Variants in SUPT5H observed in about 807,000 individuals in gnomAD.
SUPT5H encodes transcription elongation factor SPT5.
A neutral mutation model predicts 142.5 loss-of-function variants in SUPT5H; 24 were observed. The observed-to-expected ratio is 0.17, with a 90% CI of 0.12 to 0.24. The LOEUF is 0.24. Among genes scored for constraint, SUPT5H ranks in the 10% least tolerant of loss-of-function variants. The pLI is 1.00. For synonymous variants in SUPT5H, 546 were observed against 553.0 expected, an observed-to-expected ratio of 0.99 and a Z score of 0.18; for missense variants, 893 against 1,471.8, an observed-to-expected ratio of 0.61 and a Z score of 6.43.
Position 39,466,661 on chromosome 19 carries a change from C to G in SUPT5H, c.967-14C>G, listed in dbSNP as rs765573733. 50 of 1,614,052 alleles carry G rather than the reference C, an allele frequency of 3.1e-5. No homozygotes were observed. Among genetic ancestry groups the G allele is most frequent in the Non-Finnish European group, 4.2e-5 (49 of 1,180,006 alleles). ...CTCCCTCACCCTTCCCACCCATGCC[C>G]CTTTCCTCCATAGAAAGACTGGTTT... On this transcript the variant is annotated splice_polypyrimidine_tract_variant and intron_variant, in intron 12 of 29. Coordinates refer to ENST00000432763, the MANE Select transcript of SUPT5H (RefSeq NM_001111020.3). This position sits in a 1 kb window ranked among gnomAD's most constrained non-coding sequence, Gnocchi z 4.3.
intron 3 of SUPT5H, among the ~76,000 whole-genome samples, chr19:39,455,147 G>T (rs1304188510): frequency 1.8e-4 from 28 of 152,208 alleles, no homozygotes; most frequent in Admixed American, 1.8e-3. Flanking sequence ...GTTTATTGAT[G>T]ATTAGGGCCT....
chr19:39,451,357 T>G (rs1390833765), intron 2 of SUPT5H, among the ~76,000 whole-genome samples: 1 of 151,508 alleles, frequency 6.6e-6, no homozygotes, highest in African/African-American at 2.4e-5. Flanking sequence ...TGGCTAGGTT[T>G]TTTTTTTTTT....
chr19:39,473,759 G>A lies in SUPT5H; in HGVS notation c.2493-204G>A, dbSNP rs2079359667. ...CCTTGGGCCTGGAGAAAGACTGCCT[G>A]GGTGGAGTGACCTTGGGAGGGCACC... On this transcript the variant is annotated intron_variant, in intron 25 of 29. Transcript: ENST00000432763. The surrounding 1 kb of genome is among the most constrained non-coding windows in gnomAD (Gnocchi z 5.8). Among the ~76,000 whole-genome samples the A allele has an allele frequency of 6.6e-6, 1 of 152,152 alleles. No homozygotes were observed. The highest frequency in any genetic ancestry group is 1.5e-5 in the Non-Finnish European group (1 of 68,014).
At position 39,464,753 on chromosome 19, in the gene SUPT5H, C is replaced by T. The variant is rs763093244; in HGVS notation, c.625-45C>T. The stretch of plus-strand genomic sequence containing the variant: ...GAGTGGCAGTCATTTCTGTTATTAG[C>T]CGTTGTGTCTCACTGTTTCCTCCTT... On this transcript the variant is annotated intron_variant, in intron 10 of 29. Transcript: ENST00000432763. The T allele has an allele frequency of 5.8e-5, 90 of 1,549,192 alleles. No individual in the cohort carries two copies. In the South Asian group the frequency reaches 8.1e-4, roughly 14 times the overall value.
At chr19:39,448,009 G>C (rs1361603724) in intron 2 of SUPT5H, among the ~76,000 whole-genome samples, 4 of 152,186 alleles carry the variant, frequency 2.6e-5, no homozygotes, top group South Asian at 2.1e-4. Context: ...GAAATGGAAG[G>C]AGCTGGCACC....
rs1221920365 is a variant in SUPT5H, at chr19:39,470,686, TG to T, written c.1677+164del. The stretch of plus-strand genomic sequence containing the variant: ...TGATAGTGGGCACATGGCAAGTCAT[TG>T]ATCCCTCCCCTTGCCTGTTTTCACA... On this transcript the variant is annotated intron_variant, in intron 18 of 29. Transcript: ENST00000432763. This position sits in a 1 kb window ranked among gnomAD's most constrained non-coding sequence, Gnocchi z 5.8. 1.3e-5 allele frequency among the ~76,000 whole-genome samples: 2 copies of T among 152,138 alleles called. No homozygotes were observed. Among genetic ancestry groups the T allele is most frequent in the Non-Finnish European group, 2.9e-5 (2 of 68,010 alleles).
chr19:39,459,409 C>T, intron 8 of SUPT5H, 150 bp from the exon 9 acceptor site: 1 of 1,317,750 alleles, frequency 7.6e-7, no homozygotes, highest in Non-Finnish European at 1.1e-6. Flanking sequence ...TTTCTCTTTC[C>T]TCTTGCTCCT....
In SUPT5H at chr19:39,471,498, C is replaced by G. The variant is rs769263109; in HGVS notation, c.1819C>G (p.His607Asp). The G allele has an allele frequency of 6.2e-7, 1 of 1,614,240 alleles. No homozygotes were observed. Among genetic ancestry groups the G allele is most frequent in the South Asian group, 1.1e-5 (1 of 91,080 alleles). Residue 607 changes from histidine to aspartate, a missense_variant, in exon 19 of 30, where the codon CAC becomes GAC. Physicochemically the swap from His to Asp is moderately conservative, Grantham distance 81 (BLOSUM62 -1). This residue lies in a region of SUPT5H where 428 missense variants were observed against 763.5 expected (regional missense o/e 0.56). Transcript: ENST00000432763. The part of the protein sequence containing the change: ...KDIVKVIDGP[H>D]SGREGEIRHL... ...CATCGTTAAGGTCATTGATGGCCCC[C>G]ACTCAGTGAGTACAAGTTCCTGCTT...
At position 39,468,847 on chromosome 19, in the gene SUPT5H, G is replaced by A. The variant is rs996288453; in HGVS notation, c.1129G>A (p.Ala377Thr). 6.2e-7 allele frequency: 1 copy of A among 1,613,982 alleles called. No homozygotes were observed. Among genetic ancestry groups the A allele is most frequent in the African/African-American group, 1.3e-5 (1 of 74,882 alleles). The change falls in exon 14 of 30, where the codon GCC (alanine) becomes ACC (threonine). Residue 377 changes from alanine (A) to threonine (T), a missense_variant. Coordinates refer to ENST00000432763, the MANE Select transcript of SUPT5H (RefSeq NM_001111020.3). ...GAAGGGCTTTCTGTTCAAGAGCTTC[G>A]CCATGTCTGCTGTGGTGAGGGTCCC... ...SRKGFLFKSF[A>T]MSAVITEGVK...
At position 39,455,925 on chromosome 19, in the gene SUPT5H, CTTTTTT is replaced by C. The variant is rs34762912; in HGVS notation, c.242-1732_242-1727del. Among the ~76,000 whole-genome samples, 14 of 91,154 alleles carry C rather than the reference CTTTTTT, an allele frequency of 1.5e-4. No homozygotes were observed. In the South Asian group the frequency reaches 5.2e-3, roughly 34 times the overall value. The allele number at this position is 91,154 out of a possible 152,430, so 59.8% of individuals were successfully genotyped here. A position where few individuals can be genotyped will look rare whatever the true frequency, so the allele number is the denominator to read the frequency against. On this transcript the variant is annotated intron_variant, in intron 3 of 29. Coordinates refer to ENST00000432763, the MANE Select transcript of SUPT5H (RefSeq NM_001111020.3). ...CGTGAACCACTGCGCCCCGCCTCTT[CTTTTTT>C]TTTTTTTTTTTTTTTTTAAGACGGA...
chr19:39,457,821 C>A, intron 4 of SUPT5H, 81 bp downstream of exon 4: 1 of 1,598,000 alleles, frequency 6.3e-7, no homozygotes, highest in East Asian at 2.2e-5. Flanking sequence ...CCCCGACCCC[C>A]GCATCCCCTG....
chr19:39,466,373 C>T lies in SUPT5H; in HGVS notation c.877-107C>T. 3 of 1,054,772 alleles carry T rather than the reference C, an allele frequency of 2.8e-6. No homozygotes were observed. Among genetic ancestry groups the T allele is most frequent in the Admixed American group, 1.9e-5 (1 of 52,312 alleles). 65.3% of individuals were successfully genotyped at this position (1,054,772 alleles called of 1,614,324 possible). ...GAGTGGTCAGCAGCCTGGTTTCTTCCCCACCATCCTGCGTCCCTTCTCCTT... is the reference window on the plus strand; with the variant it reads ...GAGTGGTCAGCAGCCTGGTTTCTTCTCCACCATCCTGCGTCCCTTCTCCTT... On this transcript the variant is annotated intron_variant, in intron 11 of 29. Coordinates refer to ENST00000432763, the MANE Select transcript of SUPT5H (RefSeq NM_001111020.3). The surrounding 1 kb of genome is among the most constrained non-coding windows in gnomAD (Gnocchi z 4.3).
rs1332627261 is a variant in SUPT5H at position 39,474,671 on chromosome 19, C to G, written c.2977C>G (p.Leu993Val). The change falls in exon 28 of 30, where the codon CTG becomes GTG. Residue 993 changes from leucine (L) to valine (V), a missense_variant. By Grantham distance (32) the Leu-to-Val change is conservative. Coordinates refer to ENST00000432763, the MANE Select transcript of SUPT5H (RefSeq NM_001111020.3). This position sits in a 1 kb window ranked among gnomAD's most constrained non-coding sequence, Gnocchi z 6.5. Reference sequence around the variant, plus strand: ...TCAGGTGAAGGTGCGGGACACCTACCTGGATACACAGGTGGTGGGACAGAC... The same window carrying G: ...TCAGGTGAAGGTGCGGGACACCTACGTGGATACACAGGTGGTGGGACAGAC... ...DIQVKVRDTY[L>V]DTQVVGQTGV... 2 of 1,613,936 alleles carry G rather than the reference C, an allele frequency of 1.2e-6. No individual in the cohort carries two copies. The highest frequency in any genetic ancestry group is 1.7e-6 in the Non-Finnish European group (2 of 1,179,990).
rs200215320 is a variant in SUPT5H, at chr19:39,473,536, C to T, written c.2492+15C>T. On this transcript the variant is annotated intron_variant, in intron 25 of 29. Coordinates refer to ENST00000432763, the MANE Select transcript of SUPT5H (RefSeq NM_001111020.3). The surrounding 1 kb of genome is among the most constrained non-coding windows in gnomAD (Gnocchi z 5.8). ...ACGCCGTCACGGTGAGTCCAGGGTT[C>T]CCCAGGTTCTGGTGTGTGCTGGTGT... 215 of 1,604,782 alleles carry T rather than the reference C, an allele frequency of 1.3e-4. 1 individual carries two copies. In the African/African-American group the frequency reaches 2.6e-3, roughly 20 times the overall value.
Position 39,474,529 on chromosome 19 carries a change from G to A in SUPT5H, c.2835G>A (p.Pro945=), listed in dbSNP as rs754543629. The stretch of plus-strand genomic sequence containing the variant: ...TTCCCCTGCAGGCTAGCCCCAGCCC[G>A]AGCCCCGTTGGCTACAGTCCTATGA... ...SPMAYQASPS[P]SPVGYSPMTP... Residue 945 remains proline (P), a synonymous_variant, in exon 28 of 30, where the codon CCG becomes CCA. Transcript: ENST00000432763. This position sits in a 1 kb window ranked among gnomAD's most constrained non-coding sequence, Gnocchi z 6.5. The A allele has an allele frequency of 3.1e-6, 5 of 1,614,130 alleles. No individual in the cohort carries two copies. The highest frequency in any genetic ancestry group is 2.2e-5 in the East Asian group (1 of 44,880).
intron 3 of SUPT5H, among the ~76,000 whole-genome samples, chr19:39,453,858 G>T (rs2079052063): frequency 6.6e-6 from 1 of 152,148 alleles, no homozygotes; most frequent in African/African-American, 2.4e-5. Flanking sequence ...AAGGACCAAA[G>T]TTCTTAACTT....
chr19:39,454,889 A>G (rs1466060865), intron 3 of SUPT5H, among the ~76,000 whole-genome samples: 1 of 152,170 alleles, frequency 6.6e-6, no homozygotes, highest in Non-Finnish European at 1.5e-5. Context: ...AATGGATACC[A>G]TGCTGGGTAA....
chr19:39,459,908 C>T lies in SUPT5H; in HGVS notation c.572C>T (p.Ala191Val). The change falls in exon 10 of 30, where the codon GCC becomes GTC. Residue 191 changes from alanine to valine, a missense_variant. By Grantham distance (64) the Ala-to-Val change is moderately conservative (BLOSUM62 0). Coordinates refer to ENST00000432763, the MANE Select transcript of SUPT5H (RefSeq NM_001111020.3). ...ATCTTCCAGATTGGGGAGGAACGGG[C>T]CACGGCCATTTCCTTGATGCGCAAG... ...TVKCKIGEER[A>V]TAISLMRKFI... The T allele has an allele frequency of 6.2e-7, 1 of 1,614,168 alleles. No individual in the cohort carries two copies. The highest frequency in any genetic ancestry group is 8.5e-7 in the Non-Finnish European group (1 of 1,180,040).
intron 2 of SUPT5H, among the ~76,000 whole-genome samples, 160 bp from the exon 3 acceptor site, chr19:39,453,196 T>C (rs1015154252): frequency 3.3e-5 from 5 of 151,922 alleles, no homozygotes; most frequent in African/African-American, 1.2e-4. Flanking sequence ...GATAGGATGG[T>C]AACCAGAGAG....
Sources: allele counts gnomAD v4.1 joint callset (sites outside exome capture counted in the v4.1 genomes callset), GRCh38; gene constraint gnomAD v4.1.1; regional missense constraint gnomAD v4.1.1; non-coding constraint Gnocchi (gnomAD v3.1); transcripts MANE v1.5; gene names NCBI Gene and HGNC (gene_info 2026-07-23, HGNC 2026-07-21).